The following CYB5D1 variants were observed in gnomAD, a reference collection of about 807,000 sequenced individuals.
The protein encoded by CYB5D1 is cytochrome b5 domain containing 1.
CYB5D1 carries 30 observed loss-of-function variants against 24.3 expected under a neutral mutation model. The ratio of observed to expected loss-of-function variants is 1.23; its 90% CI spans 0.92 to 1.67. The LOEUF is 1.67. Ranked by LOEUF, CYB5D1 falls within the 40% of genes most tolerant of loss-of-function variation. The pLI is 0.00. For missense variants in CYB5D1, 265 were observed against 296.7 expected, an observed-to-expected ratio of 0.89 and a Z score of 0.79; for synonymous variants, 128 against 123.2, an observed-to-expected ratio of 1.04 and a Z score of -0.26.
intron 3 of CYB5D1, 36 bp downstream of exon 3, chr17:7,858,860 T>A: frequency 6.7e-7 from 1 of 1,488,942 alleles, no homozygotes; most frequent in Non-Finnish European, 9.0e-7. Flanking sequence ...TTAGAAGGAA[T>A]GGGGAATCCC....
rs944143182 is a variant in CYB5D1 at position 7,861,662 on chromosome 17, C to T, written c.*2050C>T. ...CAGTCACTCATCAAGTGTAATCTGT[C>T]TCCTAAATATCTCTGGAACCTATCT... On this transcript the variant is annotated 3_prime_UTR_variant, in exon 4 of 4. Transcript: ENST00000332439. The T allele has an allele frequency of 6.6e-6, 1 of 152,214 alleles. No individual in the cohort carries two copies. The highest frequency in any genetic ancestry group is 1.5e-5 in the Non-Finnish European group (1 of 68,038). The allele number at this position is 152,214 out of a possible 1,614,324, so 9.4% of individuals were successfully genotyped here.
rs1567814048 is a variant in CYB5D1, at chr17:7,860,582, T to C, written c.*970T>C. On this transcript the variant is annotated 3_prime_UTR_variant, in exon 4 of 4. Transcript: ENST00000332439. ...CTCCAAAGTCCATGTTCTCTCAATA[T>C]AAAGGGACCATCTCAATGTCTAATC... 3 of 152,212 alleles carry C rather than the reference T, an allele frequency of 2.0e-5. No homozygotes were observed. Among genetic ancestry groups the C allele is most frequent in the Non-Finnish European group, 4.4e-5 (3 of 68,048 alleles). The allele number at this position is 152,212 out of a possible 1,614,324, so 9.4% of individuals were successfully genotyped here.
intron 3 of CYB5D1, 95 bp downstream of exon 3, chr17:7,858,919 T>G (rs2078859766): frequency 8.6e-7 from 1 of 1,165,352 alleles, no homozygotes. Context: ...CCATAACCGG[T>G]GGGAGTGTAT....
At position 7,858,007 on chromosome 17, in the gene CYB5D1, G is replaced by GT; in HGVS notation, c.-125dup. 1 of 1,522,452 alleles carries GT rather than the reference G, an allele frequency of 6.6e-7. No individual in the cohort carries two copies. The highest frequency in any genetic ancestry group is 8.8e-7 in the Non-Finnish European group (1 of 1,141,990). The allele number at this position is 1,522,452 out of a possible 1,614,324, so 94.3% of individuals were successfully genotyped here. A position where few individuals can be genotyped will look rare whatever the true frequency, so the allele number is the denominator to read the frequency against. ...GGACGGTGGCCGGAAAAGGACAATG[G>GT]TTTCCATGTCAGCGGATAAACGCTC... On this transcript the variant is annotated 5_prime_UTR_variant, in exon 1 of 4. An upstream open reading frame in the 5' UTR gains an earlier in-frame stop. Coordinates refer to ENST00000332439, the MANE Select transcript of CYB5D1 (RefSeq NM_144607.6).
In CYB5D1 at chr17:7,858,139, C is replaced by T; in HGVS notation, c.5C>T (p.Pro2Leu). 6.2e-7 allele frequency: 1 copy of T among 1,613,388 alleles called. No homozygotes were observed. ...GTGACCGACAGAGCAAGAGCCATGC[C>T]GCGCCGGGGCCTGGTGGCTGGGCCA... Reference protein sequence around the residue: MPRRGLVAGPDL... With the variant: MLRRGLVAGPDL... Residue 2 changes from proline to leucine, a missense_variant, in exon 1 of 4, where the codon CCG becomes CTG. By Grantham distance (98) the Pro-to-Leu change is moderately conservative (BLOSUM62 -3). Transcript: ENST00000332439.
In CYB5D1 at chr17:7,858,799, T is replaced by C; in HGVS notation, c.431T>C (p.Leu144Pro). Reference sequence around the variant, plus strand: ...CGGAGCATCCGCATCATTAACACGCTCACGTCGCAGGAGCACACACTGGAG... The same window carrying C: ...CGGAGCATCCGCATCATTAACACGCCCACGTCGCAGGAGCACACACTGGAG... ...KTRSIRIINT[L>P]TSQEHTLEVG... is the part of the protein sequence containing the mutation. The change falls in exon 3 of 4, where the codon CTC (leucine) becomes CCC (proline). Residue 144 changes from leucine to proline, a missense_variant. By Grantham distance (98) the Leu-to-Pro change is moderately conservative. Transcript: ENST00000332439. The C allele has an allele frequency of 6.4e-7, 1 of 1,563,942 alleles. No homozygotes were observed. The highest frequency in any genetic ancestry group is 8.7e-7 in the Non-Finnish European group (1 of 1,154,124).
intron 3 of CYB5D1, 108 bp downstream of exon 3, chr17:7,858,932 T>G: frequency 9.2e-7 from 1 of 1,084,072 alleles, no homozygotes; most frequent in Non-Finnish European, 1.3e-6. Context: ...GAGTGTATTT[T>G]CTGTCCTTTA....
Position 7,858,614 on chromosome 17 carries a change from G to A in CYB5D1, c.246G>A (p.Lys82=). 1 of 1,605,408 alleles carries A rather than the reference G, an allele frequency of 6.2e-7. No individual in the cohort carries two copies. The highest frequency in any genetic ancestry group is 8.5e-7 in the Non-Finnish European group (1 of 1,174,150). Reference sequence around the variant, plus strand: ...CAAACCCTCCTTTAAAGATCCGCAAGCACATAGATCCGCTGACCGGCTGCC... The same window carrying A: ...CAAACCCTCCTTTAAAGATCCGCAAACACATAGATCCGCTGACCGGCTGCC... ...WFDPKTRDIR[K]HIDPLTGCLR... The change falls in exon 3 of 4, where the codon AAG becomes AAA. Residue 82 remains lysine (K), a synonymous_variant. Coordinates refer to ENST00000332439, the MANE Select transcript of CYB5D1 (RefSeq NM_144607.6).
Position 7,858,650 on chromosome 17 carries a change from C to A in CYB5D1, c.282C>A (p.Cys94Ter), listed in dbSNP as rs1167452577. ...IDPLTGCLRYCTPRGRFVHVP... is the reference protein window; with the variant it reads ...IDPLTGCLRY Reference sequence around the variant, plus strand: ...CGCTGACCGGCTGCCTGAGGTACTGCACCCCGCGGGGCCGCTTTGTGCACG... The same window carrying A: ...CGCTGACCGGCTGCCTGAGGTACTGAACCCCGCGGGGCCGCTTTGTGCACG... Residue 94 changes from cysteine (C) to a stop codon, truncating the protein, a stop_gained, in exon 3 of 4, where the codon TGC becomes TGA. Coordinates refer to ENST00000332439, the MANE Select transcript of CYB5D1 (RefSeq NM_144607.6). LOFTEE classifies it high-confidence loss of function. 1.9e-6 allele frequency: 3 copies of A among 1,608,786 alleles called. No homozygotes were observed. Among genetic ancestry groups the A allele is most frequent in the Non-Finnish European group, 2.5e-6 (3 of 1,176,804 alleles).
chr17:7,859,060 T>A, intron 3 of CYB5D1: 1 of 571,050 alleles, frequency 1.8e-6, no homozygotes, highest in Non-Finnish European at 3.1e-6. Context: ...GCAGTTCATG[T>A]ATCTTAGTGA....
chr17:7,859,749 TCTG>T lies in CYB5D1; in HGVS notation c.*138_*140del. On this transcript the variant is annotated 3_prime_UTR_variant, in exon 4 of 4. Transcript: ENST00000332439. Reference sequence around the variant, plus strand: ...CTCTCCAGGAGCTAGCCTGTGCCCTTCTGAAGTGTAAAGGCCCTATTCCCTGCC... The same window carrying T: ...CTCTCCAGGAGCTAGCCTGTGCCCTTAAGTGTAAAGGCCCTATTCCCTGCC... 5.5e-6 allele frequency: 4 copies of T among 721,876 alleles called. No homozygotes were observed. The highest frequency in any genetic ancestry group is 7.1e-6 in the Non-Finnish European group (3 of 425,124). 44.7% of individuals were successfully genotyped at this position (721,876 alleles called of 1,614,324 possible). A position where few individuals can be genotyped will look rare whatever the true frequency, so the allele number is the denominator to read the frequency against.
rs2078847584 is a variant in CYB5D1 at position 7,858,144 on chromosome 17, C to G, written c.10C>G (p.Arg4Gly). The G allele has an allele frequency of 6.2e-7, 1 of 1,613,394 alleles. No homozygotes were observed. Among genetic ancestry groups the G allele is most frequent in the Non-Finnish European group, 8.5e-7 (1 of 1,179,928 alleles). ...CGACAGAGCAAGAGCCATGCCGCGC[C>G]GGGGCCTGGTGGCTGGGCCAGACTT... is the stretch of plus-strand genomic sequence containing the variant. MPRRGLVAGPDLEY... is the reference protein window; with the variant it reads MPRGGLVAGPDLEY... Residue 4 changes from arginine (R) to glycine (G), a missense_variant, in exon 1 of 4, where the codon CGG (arginine) becomes GGG (glycine). Physicochemically the swap from Arg to Gly is moderately radical, Grantham distance 125. Coordinates refer to ENST00000332439, the MANE Select transcript of CYB5D1 (RefSeq NM_144607.6).
chr17:7,859,708 A>G lies in CYB5D1; in HGVS notation c.*96A>G. On this transcript the variant is annotated 3_prime_UTR_variant, in exon 4 of 4. Transcript: ENST00000332439. ...AGTGGTGGGGCCGAGGGGTGCCTGG[A>G]CCCAGATCTCCACTCCTCTCCAGGA... 1 of 1,079,602 alleles carries G rather than the reference A, an allele frequency of 9.3e-7. No homozygotes were observed. Among genetic ancestry groups the G allele is most frequent in the Non-Finnish European group, 1.4e-6 (1 of 716,874 alleles). The allele number at this position is 1,079,602 out of a possible 1,614,324, so 66.9% of individuals were successfully genotyped here.
rs921279818 is a variant in CYB5D1, at chr17:7,861,698, A to G, written c.*2086A>G. 1 of 152,126 alleles carries G rather than the reference A, an allele frequency of 6.6e-6. No individual in the cohort carries two copies. The highest frequency in any genetic ancestry group is 2.4e-5 in the African/African-American group (1 of 41,402). The allele number at this position is 152,126 out of a possible 1,614,324, so 9.4% of individuals were successfully genotyped here. On this transcript the variant is annotated 3_prime_UTR_variant, in exon 4 of 4. Transcript: ENST00000332439. ...CTCTGGAACCTATCTTCTTTTCTCC[A>G]AGTTACCATCACCTCTTGTCTAAAC...
rs1224928931 is a variant in CYB5D1, at chr17:7,859,754, A to C, written c.*142A>C. ...CAGGAGCTAGCCTGTGCCCTTCTGA[A>C]GTGTAAAGGCCCTATTCCCTGCCTT... is the stretch of plus-strand genomic sequence containing the variant. On this transcript the variant is annotated 3_prime_UTR_variant, in exon 4 of 4. Transcript: ENST00000332439. 1.2e-5 allele frequency: 8 copies of C among 687,508 alleles called. No homozygotes were observed. The highest frequency in any genetic ancestry group is 2.0e-5 in the Non-Finnish European group (8 of 396,794). The allele number at this position is 687,508 out of a possible 1,614,324, so 42.6% of individuals were successfully genotyped here.
rs368679601 is a variant in CYB5D1 at position 7,858,618 on chromosome 17, A to C, written c.250A>C (p.Ile84Leu). The C allele has an allele frequency of 1.2e-6, 2 of 1,605,336 alleles. No homozygotes were observed. The highest frequency in any genetic ancestry group is 1.7e-6 in the Non-Finnish European group (2 of 1,174,202). The change falls in exon 3 of 4, where the codon ATA becomes CTA. Residue 84 changes from isoleucine (I) to leucine (L), a missense_variant. By Grantham distance (5) the Ile-to-Leu change is conservative. Coordinates refer to ENST00000332439, the MANE Select transcript of CYB5D1 (RefSeq NM_144607.6). ...DPKTRDIRKH[I>L]DPLTGCLRYC... is the part of the protein sequence containing the mutation. The stretch of plus-strand genomic sequence containing the variant: ...CCCTCCTTTAAAGATCCGCAAGCAC[A>C]TAGATCCGCTGACCGGCTGCCTGAG...
chr17:7,861,096 T>C lies in CYB5D1; in HGVS notation c.*1484T>C, dbSNP rs1331614203. On this transcript the variant is annotated 3_prime_UTR_variant, in exon 4 of 4. Coordinates refer to ENST00000332439, the MANE Select transcript of CYB5D1 (RefSeq NM_144607.6). ...AAAAGAGAACCACTATTGGGGGTAA[T>C]GGCTAGATTTGGTCTCCTTTAACTT... The C allele has an allele frequency of 1.3e-5, 2 of 152,116 alleles. No homozygotes were observed. The highest frequency in any genetic ancestry group is 4.8e-5 in the African/African-American group (2 of 41,414). 9.4% of individuals were successfully genotyped at this position (152,116 alleles called of 1,614,324 possible).
Position 7,858,710 on chromosome 17 carries a change from C to T in CYB5D1, c.342C>T (p.Asn114=), listed in dbSNP as rs1441104962. 34 of 1,610,300 alleles carry T rather than the reference C, an allele frequency of 2.1e-5. No individual in the cohort carries two copies. The highest frequency in any genetic ancestry group is 2.7e-5 in the Non-Finnish European group (32 of 1,178,074). The change falls in exon 3 of 4, where the codon AAC becomes AAT. Residue 114 remains asparagine (N), a synonymous_variant. Coordinates refer to ENST00000332439, the MANE Select transcript of CYB5D1 (RefSeq NM_144607.6). ...AGCTGCCCTGTTCGGACTGGGCCAA[C>T]GATTTTGGGAAGCCCTGGTGGCAGG... is the stretch of plus-strand genomic sequence containing the variant. ...PPQLPCSDWA[N]DFGKPWWQGS... is the part of the protein sequence containing the mutation.
Position 7,858,500 on chromosome 17 carries a change from G to A in CYB5D1, c.237+21G>A, listed in dbSNP as rs962070935. 5 of 1,614,054 alleles carry A rather than the reference G, an allele frequency of 3.1e-6. No individual in the cohort carries two copies. In the African/African-American group the frequency reaches 5.3e-5, roughly 17 times the overall value. On this transcript the variant is annotated intron_variant, in intron 2 of 3. Transcript: ENST00000332439. ...GAGACGTGAGTTATGCTGGAACCTG[G>A]GATTGTGGGTAGAGGAAATGGAGAG...
Sources: gnomAD v4.1 joint callset for allele counts on GRCh38, gnomAD v4.1.1 for gene constraint, MANE v1.5 for transcripts, NCBI Gene and HGNC (gene_info 2026-07-23, HGNC 2026-07-21) for gene names.